Variants in HYDIN observed in about 807,000 individuals in gnomAD.
HYDIN encodes the protein HYDIN axonemal central pair apparatus protein.
HYDIN carries 132 observed loss-of-function variants against 403.9 expected under a neutral mutation model. That is an observed-to-expected ratio of 0.33 (90% CI 0.28 to 0.38). HYDIN has a LOEUF of 0.38. Ranked by LOEUF, HYDIN falls within the 10% of genes least tolerant of loss-of-function variation. The pLI, the probability that HYDIN is intolerant of heterozygous loss-of-function variation, is 1.00. For missense variants in HYDIN, 2,827 were observed against 5,009.5 expected, an observed-to-expected ratio of 0.56 and a Z score of 13.15; for synonymous variants, 1,202 against 1,891.7, an observed-to-expected ratio of 0.64 and a Z score of 9.46.
intron 24 of HYDIN, among the ~76,000 whole-genome samples, 198 bp downstream of exon 24, chr16:70,991,872 C>T (rs1439587911): frequency 6.6e-6 from 1 of 152,098 alleles, no homozygotes; most frequent in Non-Finnish European, 1.5e-5. Context: ...ATAGGAAGGG[C>T]TCAGTCCCCC....
At chr16:71,165,679 C>T (rs112591669) in intron 5 of HYDIN, among the ~76,000 whole-genome samples, 5 of 151,740 alleles carry the variant, frequency 3.3e-5, no homozygotes, top group East Asian at 1.9e-4. Context: ...TGATGAGTGA[C>T]GGGAAATAAA....
intron 6 of HYDIN, among the ~76,000 whole-genome samples, chr16:71,162,039 A>C: frequency 1.2e-5 from 1 of 83,652 alleles, no homozygotes; most frequent in Non-Finnish European, 2.0e-5. Flanking sequence ...AAGGCAAAGA[A>C]ATGTACTCTC....
At chr16:71,129,346 CTTGTA>C (rs1256006345) in intron 9 of HYDIN, among the ~76,000 whole-genome samples, 14 of 151,706 alleles carry the variant, frequency 9.2e-5, no homozygotes, top group Admixed American at 3.9e-4. Flanking sequence ...CTAATGGGAT[CTTGTA>C]TTGTACACTT....
intron 1 of HYDIN, among the ~76,000 whole-genome samples, chr16:71,203,081 A>G (rs903454817): frequency 6.6e-6 from 1 of 152,196 alleles, no homozygotes; most frequent in African/African-American, 2.4e-5. Flanking sequence ...TAGCCTCATC[A>G]CATGGAGAAG....
intron 75 of HYDIN, among the ~76,000 whole-genome samples, chr16:70,841,017 C>T (rs1248566447): frequency 1.3e-5 from 2 of 151,972 alleles, no homozygotes; most frequent in African/African-American, 4.8e-5. Context: ...TTAGAATAAA[C>T]ATTATTAGAA....
chr16:70,809,429 G>T (rs2035313223), intron 85 of HYDIN, among the ~76,000 whole-genome samples: 1 of 152,194 alleles, frequency 6.6e-6, no homozygotes, highest in South Asian at 2.1e-4. Context: ...AAGTGGTGAA[G>T]CCAGGACTCA....
At position 70,834,019 on chromosome 16, in the gene HYDIN, A is replaced by G. The variant is rs1481305029; in HGVS notation, c.13547T>C (p.Phe4516Ser). Residue 4516 changes from phenylalanine to serine, a missense_variant, in exon 79 of 86, where the codon TTC becomes TCC. Coordinates refer to ENST00000393567, the MANE Select transcript of HYDIN (RefSeq NM_001270974.2). ...MECMGLLRPLFLLSGCCQALE... is the reference protein window; with the variant it reads ...MECMGLLRPLSLLSGCCQALE... ...GGCCTGGCAGCAGCCGCTAAGGAGG[A>G]AGAGGGGGCGCAGGAGCCCCATGCA... 1 of 1,606,364 alleles carries G rather than the reference A, an allele frequency of 6.2e-7. No individual in the cohort carries two copies. The highest frequency in any genetic ancestry group is 8.5e-7 in the Non-Finnish European group (1 of 1,174,542).
intron 9 of HYDIN, among the ~76,000 whole-genome samples, chr16:71,120,831 G>A (rs1199489350): frequency 6.6e-6 from 1 of 151,580 alleles, no homozygotes; most frequent in East Asian, 1.9e-4. Flanking sequence ...AGTAGTTTAC[G>A]ACTCAACTTT....
intron 71 of HYDIN, among the ~76,000 whole-genome samples, chr16:70,859,581 G>A (rs559643132): frequency 2.6e-5 from 4 of 152,062 alleles, no homozygotes; most frequent in South Asian, 4.1e-4. Context: ...TCACAGATCC[G>A]TTTTGGCCAG....
At chr16:70,902,821 A>ATATATATTTTTTTTTTTTTTTTTT in intron 52 of HYDIN, among the ~76,000 whole-genome samples, 14 of 47,266 alleles carry the variant, frequency 3.0e-4, no homozygotes, top group Admixed American at 5.1e-4. Context: ...ATATATATAT[A>ATATATATTTTTTTTTTTTTTTTTT]TTTTTTTTTT....
At chr16:71,065,499 C>T (rs182938877) in intron 15 of HYDIN, among the ~76,000 whole-genome samples, 14 of 152,178 alleles carry the variant, frequency 9.2e-5, no homozygotes, top group African/African-American at 3.1e-4. Flanking sequence ...TTTTATTTGC[C>T]GTCTGTGACT....
At chr16:71,064,954 T>C in intron 15 of HYDIN, 114 bp from the exon 16 acceptor site, 1 of 956,972 alleles carries the variant, frequency 1.0e-6, no homozygotes, top group Non-Finnish European at 1.5e-6. Context: ...TTTTCTCTAA[T>C]AACCACATTA....
Position 70,803,341 on chromosome 16 carries a change from C to A in HYDIN, c.*4239G>T, listed in dbSNP as rs1369683008. 6.6e-6 allele frequency among the ~76,000 whole-genome samples: 1 copy of A among 152,128 alleles called. No individual in the cohort carries two copies. The highest frequency in any genetic ancestry group is 1.5e-5 in the Non-Finnish European group (1 of 68,034). On this transcript the variant is annotated 3_prime_UTR_variant, in exon 86 of 86. Transcript: ENST00000393567. ...TGCCAACTAGGTAAGATTATTTATG[C>A]ATAATTGAGCTAGCAGTGGTGGTAA... is the stretch of plus-strand genomic sequence containing the variant.
chr16:71,110,368 T>TATAA (rs376824882), intron 10 of HYDIN, among the ~76,000 whole-genome samples: 135 of 139,202 alleles, frequency 9.7e-4, no homozygotes, highest in African/African-American at 3.6e-3. Flanking sequence ...TATATTTATA[T>TATAA]ATAAAATAAA....
intron 1 of HYDIN, among the ~76,000 whole-genome samples, chr16:71,204,808 A>T (rs946735984): frequency 6.6e-6 from 1 of 152,120 alleles, no homozygotes; most frequent in Non-Finnish European, 1.5e-5. Flanking sequence ...ATCTGTTTCC[A>T]CTCTATATCT....
chr16:71,087,879 T>C (rs1449647896), intron 12 of HYDIN: 2 of 155,342 alleles, frequency 1.3e-5, no homozygotes, highest in Non-Finnish European at 2.8e-5. Flanking sequence ...GGAGACATAA[T>C]AGTGAGATCA....
At position 70,943,913 on chromosome 16, in the gene HYDIN, G is replaced by A. The variant is rs2077762011; in HGVS notation, c.6568C>T (p.Arg2190Cys). The change falls in exon 42 of 86, where the codon CGC becomes TGC. Residue 2190 changes from arginine to cysteine, a missense_variant. Transcript: ENST00000393567. Reference sequence around the variant, plus strand: ...ACACTGGGACTAACACTGAGCCAGCGGTGGATGGGCCCCGGGGGGAGAGGG... The same window carrying A: ...ACACTGGGACTAACACTGAGCCAGCAGTGGATGGGCCCCGGGGGGAGAGGG... ...SSPLPPGPIHRWLSVSPSVGG... is the reference protein window; with the variant it reads ...SSPLPPGPIHCWLSVSPSVGG... 1.9e-6 allele frequency: 3 copies of A among 1,613,132 alleles called. No homozygotes were observed. The highest frequency in any genetic ancestry group is 1.3e-5 in the African/African-American group (1 of 74,932).
At chr16:71,120,183 T>C (rs912859944) in intron 9 of HYDIN, among the ~76,000 whole-genome samples, 1 of 150,846 alleles carries the variant, frequency 6.6e-6, no homozygotes, top group African/African-American at 2.4e-5. Context: ...TAAGTGACTA[T>C]GACCTTCTTT....
intron 10 of HYDIN, among the ~76,000 whole-genome samples, chr16:71,112,580 T>C (rs1028015474): frequency 2.0e-5 from 3 of 152,056 alleles, no homozygotes; most frequent in African/African-American, 7.2e-5. Context: ...AACTGATAAA[T>C]TGGTAAAGAA....
Sources: gnomAD v4.1 joint callset for allele counts (sites outside exome capture counted in the v4.1 genomes callset) on GRCh38, gnomAD v4.1.1 for gene constraint, MANE v1.5 for transcripts, NCBI Gene and HGNC (gene_info 2026-07-23, HGNC 2026-07-21) for gene names.